MECOM: variants seen among roughly 807,000 people sequenced by gnomAD.
The protein encoded by MECOM is MDS1 and EVI1 complex locus.
Under a neutral mutation model 116.3 loss-of-function variants are expected in MECOM, and 13 were observed. That is an observed-to-expected ratio of 0.11 (90% CI 0.07 to 0.18). MECOM has a LOEUF of 0.18. Among genes scored for constraint, MECOM ranks in the 10% least tolerant of loss-of-function variants. The pLI, the probability that MECOM is intolerant of heterozygous loss-of-function variation, is 1.00. For synonymous variants in MECOM, 528 were observed against 535.2 expected (o/e 0.99, Z 0.19); for missense variants, 1,299 against 1,509.0 (o/e 0.86, Z 2.31).
At chr3:169,456,500 T>C (rs1746522098) in intron 1 of MECOM, among the ~76,000 whole-genome samples, 1 of 152,154 alleles carries the variant, frequency 6.6e-6, no homozygotes, top group Non-Finnish European at 1.5e-5. Context: ...AATAATATGG[T>C]AAATGGCTGA....
intron 1 of MECOM, among the ~76,000 whole-genome samples, chr3:169,432,414 T>C (rs1431920673): frequency 6.6e-6 from 1 of 152,176 alleles, no homozygotes; most frequent in Non-Finnish European, 1.5e-5. Flanking sequence ...GGCCTCAGCC[T>C]CTCAAAGTGC....
At chr3:169,432,191 C>CTCTG (rs1355821332) in intron 1 of MECOM, among the ~76,000 whole-genome samples, 1 of 151,268 alleles carries the variant, frequency 6.6e-6, no homozygotes, top group Non-Finnish European at 1.5e-5. Flanking sequence ...CAGAGTCTTG[C>CTCTG]TCTGTCACCC....
intron 2 of MECOM, among the ~76,000 whole-genome samples, chr3:169,288,065 T>A (rs924571986): frequency 6.6e-6 from 1 of 152,182 alleles, no homozygotes. Flanking sequence ...AGCATGTCAC[T>A]GCTACCTCAG....
chr3:169,111,829 A>C (rs1355550709), intron 9 of MECOM, among the ~76,000 whole-genome samples: 1 of 152,088 alleles, frequency 6.6e-6, no homozygotes, highest in Non-Finnish European at 1.5e-5. Flanking sequence ...AAAAAGAACC[A>C]TATCCCATGA....
chr3:169,374,888 T>C (rs959940482), intron 2 of MECOM, among the ~76,000 whole-genome samples: 2 of 151,882 alleles, frequency 1.3e-5, no homozygotes, highest in African/African-American at 4.8e-5. Context: ...TTTTTTTTAA[T>C]TAGCGAGTCA....
intron 1 of MECOM, among the ~76,000 whole-genome samples, chr3:169,624,560 C>T (rs1466683384): frequency 1.3e-5 from 2 of 152,198 alleles, no homozygotes; most frequent in African/African-American, 4.8e-5. Flanking sequence ...ATTCTGGGTT[C>T]ACAGACTTGT....
chr3:169,541,694 G>GT (rs1760079920), intron 1 of MECOM, among the ~76,000 whole-genome samples: 1 of 152,080 alleles, frequency 6.6e-6, no homozygotes, highest in Non-Finnish European at 1.5e-5. Flanking sequence ...TTTTCAAGCC[G>GT]TCCTACCTCA....
chr3:169,122,342 C>G (rs564913258), intron 6 of MECOM, among the ~76,000 whole-genome samples: 2 of 152,192 alleles, frequency 1.3e-5, no homozygotes, highest in Non-Finnish European at 2.9e-5. Context: ...ATGTCTGACA[C>G]CTAGTTCTGG....
chr3:169,620,604 C>G (rs1275935116), intron 1 of MECOM, among the ~76,000 whole-genome samples: 1 of 152,166 alleles, frequency 6.6e-6, no homozygotes, highest in African/African-American at 2.4e-5. Flanking sequence ...AGTGATTCAG[C>G]CAAGGTTGTC....
chr3:169,503,863 A>G (rs1881304), intron 1 of MECOM, among the ~76,000 whole-genome samples: 25,390 of 152,118 alleles, frequency 0.17, 2,275 homozygotes, highest in East Asian at 0.33. Context: ...ATTTCAAAGC[A>G]TCATCTAGTA....
intron 1 of MECOM, among the ~76,000 whole-genome samples, chr3:169,570,097 A>C (rs1351142864): frequency 6.6e-6 from 1 of 152,230 alleles, no homozygotes; most frequent in African/African-American, 2.4e-5. Flanking sequence ...AGCCAGACTA[A>C]TAAAGCAGAA....
intron 1 of MECOM, among the ~76,000 whole-genome samples, chr3:169,485,152 G>A (rs781517787): frequency 4.6e-5 from 7 of 151,890 alleles, no homozygotes; most frequent in Non-Finnish European, 7.4e-5. Context: ...GCACCACCAC[G>A]TCTGGCTAAG....
chr3:169,263,321 G>A (rs1036630245), intron 2 of MECOM, among the ~76,000 whole-genome samples: 5 of 150,688 alleles, frequency 3.3e-5, no homozygotes, highest in Admixed American at 6.6e-5. Context: ...GTAGACACGG[G>A]GTTTCACCGT....
At chr3:169,135,194 AG>A (rs1237972458) in intron 3 of MECOM, among the ~76,000 whole-genome samples, 1 of 152,066 alleles carries the variant, frequency 6.6e-6, no homozygotes, top group Non-Finnish European at 1.5e-5. Context: ...GAAAAATGGA[AG>A]GGAGTCAATT....
At chr3:169,182,044 A>G (rs1746034212) in intron 2 of MECOM, among the ~76,000 whole-genome samples, 1 of 152,200 alleles carries the variant, frequency 6.6e-6, no homozygotes, top group Non-Finnish European at 1.5e-5. Flanking sequence ...AAATAACAAG[A>G]TGAAGGATAG....
At chr3:169,347,310 G>T (rs987237441) in intron 2 of MECOM, among the ~76,000 whole-genome samples, 1 of 151,988 alleles carries the variant, frequency 6.6e-6, no homozygotes, top group African/African-American at 2.4e-5. Context: ...GCTACATAGA[G>T]AAAGATATCC....
At chr3:169,112,111 C>T (rs1408213209) in intron 9 of MECOM, among the ~76,000 whole-genome samples, 2 of 152,018 alleles carry the variant, frequency 1.3e-5, no homozygotes, top group African/African-American at 2.4e-5. Context: ...TACGATTTTC[C>T]ACATGGTGGA....
chr3:169,505,797 C>T (rs1031542149), intron 1 of MECOM, among the ~76,000 whole-genome samples: 5 of 152,186 alleles, frequency 3.3e-5, no homozygotes, highest in Non-Finnish European at 7.3e-5. Flanking sequence ...CACATGTAAG[C>T]CTATCTTTCC....
Position 169,276,552 on chromosome 3 carries a change from CAA to C in MECOM, c.375+104633_375+104634del, listed in dbSNP as rs58452538. ...TGGGCAACAGACCCAGACTCTGCCT[CAA>C]AAAAAAAAAAAAAAAAAAAAAGTCT... On this transcript the variant is annotated intron_variant, in intron 2 of 16. Coordinates refer to ENST00000651503, the MANE Select transcript of MECOM (RefSeq NM_004991.4). Among the ~76,000 whole-genome samples, 436 of 47,736 alleles carry C rather than the reference CAA, an allele frequency of 9.1e-3. 3 individuals carry two copies. Among genetic ancestry groups the C allele is most frequent in the South Asian group, 0.039 (56 of 1,434 alleles). 31.3% of individuals were successfully genotyped at this position (47,736 alleles called of 152,430 possible).
Sources: gnomAD v4.1 joint callset for allele counts (sites outside exome capture counted in the v4.1 genomes callset) on GRCh38, gnomAD v4.1.1 for gene constraint, MANE v1.5 for transcripts, NCBI Gene and HGNC (gene_info 2026-07-23, HGNC 2026-07-21) for gene names.